Variants in BANK1 observed in about 807,000 individuals in gnomAD.
BANK1 encodes B-cell scaffold protein with ankyrin repeats.
A neutral mutation model predicts 94.5 loss-of-function variants in BANK1; 95 were observed. That is an observed-to-expected ratio of 1.00 (90% CI 0.85 to 1.19). BANK1 has a LOEUF of 1.19. Ranked by LOEUF, BANK1 falls within the 50% of genes most tolerant of loss-of-function variation. The pLI is 0.00. For missense variants in BANK1, 987 were observed against 932.2 expected (o/e 1.06, Z -0.77); for synonymous variants, 334 against 308.4 (o/e 1.08, Z -0.87).
At chr4:101,877,656 T>C (rs886691676) in intron 5 of BANK1, among the ~76,000 whole-genome samples, 17 of 152,064 alleles carry the variant, frequency 1.1e-4, no homozygotes, top group Admixed American at 3.9e-4. Flanking sequence ...AGGCAGAGGT[T>C]GGCAGATCAC....
intron 4 of BANK1, among the ~76,000 whole-genome samples, chr4:101,869,470 G>T (rs973705097): frequency 5.3e-5 from 8 of 151,830 alleles, no homozygotes; most frequent in African/African-American, 1.9e-4. Flanking sequence ...TACAGGCGAG[G>T]TGTCTACTCA....
chr4:101,799,861 G>A (rs1725296294), intron 1 of BANK1, among the ~76,000 whole-genome samples: 1 of 151,994 alleles, frequency 6.6e-6, no homozygotes, highest in South Asian at 2.1e-4. Context: ...GTGACAGAGT[G>A]AGATTCCATC....
chr4:101,894,484 ATTTAAT>A (rs372744771), intron 5 of BANK1, among the ~76,000 whole-genome samples: 1 of 152,054 alleles, frequency 6.6e-6, no homozygotes, highest in East Asian at 1.9e-4. Context: ...CAGTACAGTT[ATTTAAT>A]TTGTGACTAT....
intron 14 of BANK1, among the ~76,000 whole-genome samples, 174 bp downstream of exon 14, chr4:102,071,478 A>G (rs1416397061): frequency 1.3e-5 from 2 of 152,208 alleles, no homozygotes; most frequent in African/African-American, 4.8e-5. Flanking sequence ...AAGCGACTAT[A>G]AAATAGAAAC....
intron 1 of BANK1, among the ~76,000 whole-genome samples, chr4:101,805,630 A>G (rs992701023): frequency 1.3e-5 from 2 of 149,748 alleles, no homozygotes; most frequent in Non-Finnish European, 3.0e-5. Flanking sequence ...TATTATATAC[A>G]TATAAATAAT....
intron 1 of BANK1, among the ~76,000 whole-genome samples, chr4:101,813,624 GTCACTCTAGGAGAA>G (rs1725797131): frequency 6.6e-6 from 1 of 152,170 alleles, no homozygotes; most frequent in Non-Finnish European, 1.5e-5. Context: ...TAAAGACAAT[GTCACTCTAGGAGAA>G]ATGTAGTCGT....
intron 11 of BANK1, among the ~76,000 whole-genome samples, chr4:102,051,706 A>G (rs905082241): frequency 6.6e-6 from 1 of 152,116 alleles, no homozygotes; most frequent in African/African-American, 2.4e-5. Flanking sequence ...TCTGCTACAT[A>G]AATGTTAATT....
intron 2 of BANK1, among the ~76,000 whole-genome samples, chr4:101,851,526 G>A (rs1047378818): frequency 5.3e-5 from 8 of 152,160 alleles, no homozygotes; most frequent in Non-Finnish European, 4.4e-5. Context: ...AGTGAATTTG[G>A]GTGGGAGATA....
chr4:101,791,420 T>A (rs1474567252), intron 1 of BANK1, among the ~76,000 whole-genome samples: 1 of 152,214 alleles, frequency 6.6e-6, no homozygotes, highest in Non-Finnish European at 1.5e-5. Flanking sequence ...GTAGCCCTGC[T>A]TCTTGGCAGG....
At chr4:102,058,697 A>G (rs937445692) in intron 11 of BANK1, among the ~76,000 whole-genome samples, 2 of 148,434 alleles carry the variant, frequency 1.3e-5, no homozygotes, top group Non-Finnish European at 3.0e-5. Context: ...TAATCTCTTT[A>G]CTCTTAAAAA....
chr4:102,060,171 C>T, intron 11 of BANK1, 40 bp from the exon 12 acceptor site: 3 of 1,500,738 alleles, frequency 2.0e-6, no homozygotes, highest in Non-Finnish European at 2.7e-6. Context: ...GTTGTCTACA[C>T]CTGGACTTTC....
intron 7 of BANK1, among the ~76,000 whole-genome samples, chr4:101,941,314 A>T (rs570824256): frequency 6.6e-6 from 1 of 151,798 alleles, no homozygotes; most frequent in East Asian, 2.0e-4. Context: ...TCATTTCTCA[A>T]GGAGCTCTGA....
At position 102,008,762 on chromosome 4, in the gene BANK1, G is replaced by T. The variant is rs140846662; in HGVS notation, c.1207-12752G>T. Among the ~76,000 whole-genome samples the T allele has an allele frequency of 6.2e-3, 938 of 151,926 alleles. 5 individuals carry two copies. The highest frequency in any genetic ancestry group is 0.041 in the Middle Eastern group (12 of 294). ...AGACTGGGCCTAAAGCAACATTCTC[G>T]GGTTATAACATATCTCCATTCACCC... On this transcript the variant is annotated intron_variant, in intron 7 of 16. Transcript: ENST00000322953.
At chr4:101,988,750 T>A (rs189557306) in intron 7 of BANK1, among the ~76,000 whole-genome samples, 159 of 152,316 alleles carry the variant, frequency 1.0e-3, no homozygotes, top group Non-Finnish European at 1.8e-3. Context: ...ATTTTTATAA[T>A]GATCAAGCCC....
intron 7 of BANK1, among the ~76,000 whole-genome samples, chr4:101,922,008 C>T (rs1370932622): frequency 3.9e-5 from 3 of 77,356 alleles, no homozygotes; most frequent in East Asian, 1.1e-3. Context: ...GACACTGGGC[C>T]CGTGTGTGTG....
At chr4:101,792,548 A>G (rs1325680857) in intron 1 of BANK1, among the ~76,000 whole-genome samples, 2 of 151,128 alleles carry the variant, frequency 1.3e-5, no homozygotes, top group Admixed American at 1.3e-4. Context: ...AATTGGTCCA[A>G]CTGCCTCATT....
At chr4:101,800,699 A>G (rs1013360768) in intron 1 of BANK1, among the ~76,000 whole-genome samples, 4 of 152,334 alleles carry the variant, frequency 2.6e-5, no homozygotes, top group African/African-American at 9.6e-5. Flanking sequence ...ACAGGTTGGT[A>G]ATATAAATTT....
chr4:101,997,599 AC>A (rs1476147513), intron 7 of BANK1, among the ~76,000 whole-genome samples: 3 of 151,970 alleles, frequency 2.0e-5, no homozygotes, highest in Non-Finnish European at 4.4e-5. Flanking sequence ...CAATTTCAGA[AC>A]TTGTTATTGA....
At chr4:101,844,158 G>A (rs561686018) in intron 2 of BANK1, among the ~76,000 whole-genome samples, 1 of 152,186 alleles carries the variant, frequency 6.6e-6, no homozygotes, top group Admixed American at 6.5e-5. Context: ...TAATGAAAGG[G>A]ACAGGAAAGT....
Sources: gnomAD v4.1 joint callset for allele counts (sites outside exome capture counted in the v4.1 genomes callset) on GRCh38, gnomAD v4.1.1 for gene constraint, MANE v1.5 for transcripts, NCBI Gene and HGNC (gene_info 2026-07-23, HGNC 2026-07-21) for gene names.